Variants in PLCE1 observed in about 807,000 individuals in gnomAD.
The protein encoded by PLCE1 is 1-phosphatidylinositol 4,5-bisphosphate phosphodiesterase epsilon-1.
Under a neutral mutation model 242.8 loss-of-function variants are expected in PLCE1, and 119 were observed. The ratio of observed to expected loss-of-function variants is 0.49; its 90% CI spans 0.42 to 0.57. The LOEUF (loss-of-function observed/expected upper bound fraction) is 0.57. Among genes scored for constraint, PLCE1 ranks in the 20% least tolerant of loss-of-function variants. The pLI is 0.00. For missense variants in PLCE1, 2,441 were observed against 2,788.8 expected (o/e 0.88, Z 2.81); for synonymous variants, 945 against 1,017.4 (o/e 0.93, Z 1.35).
At chr10:94,161,366 G>A (rs2047607502) in intron 3 of PLCE1, among the ~76,000 whole-genome samples, 1 of 152,138 alleles carries the variant, frequency 6.6e-6, no homozygotes, top group African/African-American at 2.4e-5. Flanking sequence ...CCTTGAAAAG[G>A]TCCTTCACAT....
intron 3 of PLCE1, among the ~76,000 whole-genome samples, chr10:94,141,411 T>C (rs1261436391): frequency 6.6e-6 from 1 of 151,694 alleles, no homozygotes; most frequent in Non-Finnish European, 1.5e-5. Flanking sequence ...AAGGAACAAA[T>C]TATGGCCTAA....
At chr10:94,194,140 A>C (rs1414631479) in intron 4 of PLCE1, among the ~76,000 whole-genome samples, 1 of 152,236 alleles carries the variant, frequency 6.6e-6, no homozygotes, top group Non-Finnish European at 1.5e-5. Context: ...TTAGGGAGTC[A>C]GATACAAGTG....
At chr10:94,138,079 C>T (rs534008874) in intron 3 of PLCE1, 15 of 355,912 alleles carry the variant, frequency 4.2e-5, no homozygotes, top group East Asian at 2.2e-4. Flanking sequence ...TGTCTGTGGG[C>T]GGCTCTGTGG....
intron 6 of PLCE1, 46 bp from the exon 7 acceptor site, chr10:94,235,869 C>T: frequency 6.5e-7 from 1 of 1,531,504 alleles, no homozygotes; most frequent in East Asian, 2.3e-5. Context: ...GTATGTTATC[C>T]AGGCATATTA....
At chr10:94,227,115 G>C in intron 4 of PLCE1, 191 bp from the exon 5 acceptor site, 1 of 571,810 alleles carries the variant, frequency 1.7e-6, no homozygotes, top group South Asian at 1.8e-5. Context: ...GACCTCAGGT[G>C]ATTCGCCCAC....
At chr10:94,044,381 G>A (rs1349836614) in intron 2 of PLCE1, among the ~76,000 whole-genome samples, 1 of 152,122 alleles carries the variant, frequency 6.6e-6, no homozygotes, top group African/African-American at 2.4e-5. Flanking sequence ...CCTGGCTAAT[G>A]GTGGTTTGGG....
In PLCE1 at chr10:94,220,570, C is replaced by T. The variant is rs375284335; in HGVS notation, c.1810-6736C>T. On this transcript the variant is annotated intron_variant, in intron 4 of 32. Coordinates refer to ENST00000371380, the MANE Select transcript of PLCE1 (RefSeq NM_016341.4). Reference sequence around the variant, plus strand: ...CTTCTCAGGGCAGTCACAGATTCTTCTTGGTCCAGCCTGTTAGTTAGGAAG... The same window carrying T: ...CTTCTCAGGGCAGTCACAGATTCTTTTTGGTCCAGCCTGTTAGTTAGGAAG... 5.3e-5 allele frequency among the ~76,000 whole-genome samples: 8 copies of T among 151,692 alleles called. No individual in the cohort carries two copies. In the East Asian group the frequency reaches 5.9e-4, roughly 11 times the overall value.
chr10:94,301,930 A>G (rs1202565470), intron 24 of PLCE1, among the ~76,000 whole-genome samples: 2 of 152,228 alleles, frequency 1.3e-5, no homozygotes, highest in Non-Finnish European at 2.9e-5. Flanking sequence ...ATATAAGGAT[A>G]AACATTATGT....
chr10:94,046,582 T>G (rs2061889067), intron 2 of PLCE1, among the ~76,000 whole-genome samples: 1 of 152,242 alleles, frequency 6.6e-6, no homozygotes. Flanking sequence ...GAGCCCAGGT[T>G]GCTCTCAGAT....
chr10:94,007,452 T>A (rs1238698940), intron 1 of PLCE1, among the ~76,000 whole-genome samples: 1 of 152,188 alleles, frequency 6.6e-6, no homozygotes, highest in East Asian at 1.9e-4. Context: ...ACTGCCTTCC[T>A]GGTGCTAGTA....
At chr10:94,173,692 G>A (rs1166789719) in intron 4 of PLCE1, among the ~76,000 whole-genome samples, 1 of 152,200 alleles carries the variant, frequency 6.6e-6, no homozygotes, top group African/African-American at 2.4e-5. Context: ...GAGATGATAT[G>A]ACCTACAGCT....
intron 28 of PLCE1, among the ~76,000 whole-genome samples, chr10:94,316,046 A>G (rs940501937): frequency 9.2e-5 from 14 of 152,174 alleles, no homozygotes; most frequent in African/African-American, 3.4e-4. Flanking sequence ...GCAGCCAACA[A>G]AGAAAACAAG....
intron 2 of PLCE1, among the ~76,000 whole-genome samples, chr10:94,078,415 A>G (rs973046356): frequency 1.3e-5 from 2 of 152,154 alleles, no homozygotes; most frequent in South Asian, 2.1e-4. Context: ...TCAGGTCGCA[A>G]TTCTTGCCTT....
intron 1 of PLCE1, among the ~76,000 whole-genome samples, chr10:94,027,646 C>T (rs370538687): frequency 6.6e-6 from 1 of 152,000 alleles, no homozygotes; most frequent in Non-Finnish European, 1.5e-5. Flanking sequence ...ATGGTGAAAC[C>T]CCGTCTCCAC....
intron 1 of PLCE1, among the ~76,000 whole-genome samples, chr10:94,027,953 A>G (rs2061484781): frequency 6.6e-6 from 1 of 152,222 alleles, no homozygotes; most frequent in African/African-American, 2.4e-5. Flanking sequence ...TAGATGGAAG[A>G]TAAAACAGCA....
chr10:94,203,694 G>A (rs931719984), intron 4 of PLCE1, among the ~76,000 whole-genome samples: 23 of 152,294 alleles, frequency 1.5e-4, no homozygotes, highest in African/African-American at 5.5e-4. Flanking sequence ...AATAAAAAGA[G>A]GTGAGAACAT....
At chr10:94,236,924 A>C (rs1182927340) in intron 7 of PLCE1, among the ~76,000 whole-genome samples, 1 of 152,192 alleles carries the variant, frequency 6.6e-6, no homozygotes, top group African/African-American at 2.4e-5. Context: ...AGATGCTTTT[A>C]AGAATAACTA....
chr10:94,238,833 G>C (rs1431923203), intron 7 of PLCE1, among the ~76,000 whole-genome samples: 6 of 152,042 alleles, frequency 3.9e-5, no homozygotes, highest in African/African-American at 1.4e-4. Context: ...TTGGCATGCT[G>C]CACCTTAAGA....
In PLCE1 at chr10:94,109,967, C is replaced by T. The variant is rs184827351; in HGVS notation, c.1207-22207C>T. The stretch of plus-strand genomic sequence containing the variant: ...AGATGGGGTTCAGAGGAACATTTCA[C>T]ATGGGCTTTGATGTTAGAATCCTTT... On this transcript the variant is annotated intron_variant, in intron 2 of 32. Coordinates refer to ENST00000371380, the MANE Select transcript of PLCE1 (RefSeq NM_016341.4). 5.3e-5 allele frequency among the ~76,000 whole-genome samples: 8 copies of T among 150,764 alleles called. No individual in the cohort carries two copies. The East Asian group carries it at 1.2e-3, about 22-fold the overall frequency.
Sources: allele counts gnomAD v4.1 joint callset (sites outside exome capture counted in the v4.1 genomes callset), GRCh38; gene constraint gnomAD v4.1.1; transcripts MANE v1.5; gene names NCBI Gene and HGNC (gene_info 2026-07-23, HGNC 2026-07-21).